PLEKHA7: variants seen among roughly 807,000 people sequenced by gnomAD.
PLEKHA7 encodes the protein pleckstrin homology domain-containing family A member 7.
A neutral mutation model predicts 170.0 loss-of-function variants in PLEKHA7; 104 were observed. That is an observed-to-expected ratio of 0.61 (90% CI 0.52 to 0.72). The LOEUF (loss-of-function observed/expected upper bound fraction) is 0.72. PLEKHA7 is among the 30% of genes least tolerant of loss of function. The pLI, the probability that PLEKHA7 is intolerant of heterozygous loss-of-function variation, is 0.00. For synonymous variants in PLEKHA7, 648 were observed against 660.8 expected, an observed-to-expected ratio of 0.98 and a Z score of 0.30; for missense variants, 1,615 against 1,671.7, an observed-to-expected ratio of 0.97 and a Z score of 0.59.
chr11:16,907,041 C>A (rs1451640159), intron 3 of PLEKHA7, among the ~76,000 whole-genome samples: 2 of 147,466 alleles, frequency 1.4e-5, no homozygotes, highest in East Asian at 2.0e-4. Flanking sequence ...AGGAGCCCCT[C>A]TGCCCGGCAG....
chr11:16,841,779 A>G, intron 8 of PLEKHA7, 57 bp from the exon 9 acceptor site: 6 of 1,553,468 alleles, frequency 3.9e-6, no homozygotes, highest in Non-Finnish European at 5.2e-6. Context: ...TTTCCTTTAT[A>G]GGAGCAAAAG....
At chr11:16,897,239 G>A (rs1049657497) in intron 3 of PLEKHA7, among the ~76,000 whole-genome samples, 2 of 152,112 alleles carry the variant, frequency 1.3e-5, no homozygotes, top group Non-Finnish European at 2.9e-5. Context: ...CAAATTCTTT[G>A]TTCTTTGTCG....
intron 3 of PLEKHA7, among the ~76,000 whole-genome samples, chr11:16,935,888 C>G (rs1860254207): frequency 6.6e-6 from 1 of 152,286 alleles, no homozygotes. Context: ...ATGACAGATG[C>G]TTATAATGTT....
Position 16,779,055 on chromosome 11 carries a change from C to T in PLEKHA7, c.3794-35G>A. 2.8e-6 allele frequency: 2 copies of T among 702,442 alleles called. 1 individual carries two copies. The highest frequency in any genetic ancestry group is 5.2e-6 in the Non-Finnish European group (2 of 384,892). 43.5% of individuals were successfully genotyped at this position (702,442 alleles called of 1,614,324 possible). A position where few individuals can be genotyped will look rare whatever the true frequency, so the allele number is the denominator to read the frequency against. ...AGCACAGGAGACAGTGAGAGGCTGG[C>T]ATCCAGGGAGCAGGCACGTCTGCAC... On this transcript the variant is annotated intron_variant, in intron 26 of 26. Transcript: ENST00000531066.
chr11:16,788,899 T>C, intron 23 of PLEKHA7, 197 bp downstream of exon 23: 1 of 667,368 alleles, frequency 1.5e-6, no homozygotes, highest in East Asian at 2.7e-5. Context: ...TCACTCCAGC[T>C]CTGGTTCAGG....
intron 13 of PLEKHA7, chr11:16,812,528 T>C (rs1291639784): frequency 6.6e-6 from 1 of 152,266 alleles, no homozygotes. Flanking sequence ...AGGCCTCTCT[T>C]CCAGGCAGAA....
At chr11:16,796,748 T>G (rs1047832632) in intron 17 of PLEKHA7, among the ~76,000 whole-genome samples, 7 of 152,212 alleles carry the variant, frequency 4.6e-5, no homozygotes, top group Non-Finnish European at 1.0e-4. Context: ...CTCAAACTCC[T>G]GGGCTCAAGT....
intron 4 of PLEKHA7, among the ~76,000 whole-genome samples, chr11:16,863,225 T>C (rs993311230): frequency 6.6e-6 from 1 of 152,088 alleles, no homozygotes; most frequent in Non-Finnish European, 1.5e-5. Flanking sequence ...AGGTCAAAGA[T>C]CTGGAAGATA....
intron 3 of PLEKHA7, among the ~76,000 whole-genome samples, chr11:16,903,867 C>G (rs895287877): frequency 2.6e-5 from 4 of 152,234 alleles, no homozygotes; most frequent in Admixed American, 6.5e-5. Flanking sequence ...CACAGTCAGA[C>G]AGCAAACAGG....
intron 3 of PLEKHA7, among the ~76,000 whole-genome samples, chr11:16,893,866 A>T (rs1433170267): frequency 6.6e-6 from 1 of 152,208 alleles, no homozygotes; most frequent in Non-Finnish European, 1.5e-5. Flanking sequence ...AGATTAAGTT[A>T]TCCATGGAGT....
chr11:16,906,298 A>C (rs1403428846), intron 3 of PLEKHA7, among the ~76,000 whole-genome samples: 1 of 90,506 alleles, frequency 1.1e-5, no homozygotes, highest in African/African-American at 5.4e-5. Context: ...AAAATTGGAA[A>C]GGCTCCTCCT....
intron 4 of PLEKHA7, among the ~76,000 whole-genome samples, chr11:16,863,482 T>C (rs1360829720): frequency 6.6e-6 from 1 of 152,094 alleles, no homozygotes; most frequent in Non-Finnish European, 1.5e-5. Context: ...AGCTGGCGTC[T>C]CAGCACACAA....
intron 26 of PLEKHA7, among the ~76,000 whole-genome samples, chr11:16,779,986 G>T (rs1016927473): frequency 2.9e-4 from 42 of 146,896 alleles, no homozygotes; most frequent in Admixed American, 1.0e-3. Context: ...GGGGAGGGGG[G>T]GGGGAATATC....
At chr11:16,906,716 G>A (rs1176186638) in intron 3 of PLEKHA7, among the ~76,000 whole-genome samples, 1 of 141,368 alleles carries the variant, frequency 7.1e-6, no homozygotes, top group Admixed American at 7.0e-5. Flanking sequence ...CCCCCAAAGT[G>A]CCGAGATTGC....
chr11:16,834,167 T>G (rs1851336880), intron 9 of PLEKHA7, among the ~76,000 whole-genome samples: 2 of 151,858 alleles, frequency 1.3e-5, no homozygotes, highest in Non-Finnish European at 2.9e-5. Flanking sequence ...TGTGCCAACA[T>G]GCTAATTTTT....
At chr11:16,970,486 C>T (rs7942731) in intron 3 of PLEKHA7, among the ~76,000 whole-genome samples, 1,797 of 151,982 alleles carry the variant, frequency 0.012, 37 homozygotes, top group African/African-American at 0.04. Context: ...AAAGTGAGAC[C>T]TTGTCTCTGT....
intron 3 of PLEKHA7, among the ~76,000 whole-genome samples, chr11:17,006,344 C>G (rs1164006003): frequency 1.5e-5 from 2 of 133,056 alleles, no homozygotes; most frequent in Non-Finnish European, 3.2e-5. Flanking sequence ...AAAAAAAAAA[C>G]GTCCAGGCAC....
intron 3 of PLEKHA7, among the ~76,000 whole-genome samples, chr11:16,907,171 G>GC (rs1565100246): frequency 8.9e-6 from 1 of 112,914 alleles, no homozygotes; most frequent in Non-Finnish European, 1.9e-5. Flanking sequence ...GGGGGGGTTA[G>GC]CCCCCCGCCC....
intron 13 of PLEKHA7, among the ~76,000 whole-genome samples, chr11:16,808,547 A>T (rs922668167): frequency 6.6e-6 from 1 of 152,218 alleles, no homozygotes; most frequent in Non-Finnish European, 1.5e-5. Context: ...TGAACAGAAA[A>T]GTCCTGATCT....
Sources: allele counts gnomAD v4.1 joint callset (sites outside exome capture counted in the v4.1 genomes callset), GRCh38; gene constraint gnomAD v4.1.1; transcripts MANE v1.5; gene names NCBI Gene and HGNC (gene_info 2026-07-23, HGNC 2026-07-21).